The following IMPA2 variants were observed in gnomAD, a reference collection of about 807,000 sequenced individuals.
The protein encoded by IMPA2 is IMP 2.
IMPA2 carries 32 observed loss-of-function variants against 35.1 expected under a neutral mutation model. The observed-to-expected ratio is 0.91, with a 90% confidence interval of 0.69 to 1.23. The LOEUF is 1.23. IMPA2 is among the 50% of genes most tolerant of loss of function. IMPA2 has a pLI of 0.00. For synonymous variants in IMPA2, 135 were observed against 160.6 expected, an observed-to-expected ratio of 0.84 and a Z score of 1.20; for missense variants, 334 against 387.6, an observed-to-expected ratio of 0.86 and a Z score of 1.16.
At chr18:11,993,391 A>T (rs137923875) in intron 1 of IMPA2, among the ~76,000 whole-genome samples, 28 of 152,350 alleles carry the variant, frequency 1.8e-4, no homozygotes, top group African/African-American at 6.0e-4. Context: ...AGGTTAGCTT[A>T]GTGTCATTGT....
In IMPA2 at chr18:12,030,629, T is replaced by C; in HGVS notation, c.*171T>C. ...GGCTGGCCTTTTAAATCGACGTCTC[T>C]CTCACCAGGATTTGGTGTTTAGCTG... On this transcript the variant is annotated 3_prime_UTR_variant, in exon 8 of 8. Coordinates refer to ENST00000269159, the MANE Select transcript of IMPA2 (RefSeq NM_014214.3). 1 of 595,088 alleles carries C rather than the reference T, an allele frequency of 1.7e-6. No individual in the cohort carries two copies. Among genetic ancestry groups the C allele is most frequent in the South Asian group, 2.0e-5 (1 of 49,852 alleles). 36.9% of individuals were successfully genotyped at this position (595,088 alleles called of 1,614,324 possible).
intron 1 of IMPA2, among the ~76,000 whole-genome samples, chr18:11,983,421 C>A (rs1407906184): frequency 6.6e-6 from 1 of 152,144 alleles, no homozygotes; most frequent in East Asian, 1.9e-4. Flanking sequence ...TCAGACATTG[C>A]TGTGTAAACC....
intron 2 of IMPA2, among the ~76,000 whole-genome samples, chr18:12,000,261 C>T (rs1400508774): frequency 2.0e-5 from 3 of 151,420 alleles, no homozygotes; most frequent in Admixed American, 6.6e-5. Flanking sequence ...CAGCCTTGAA[C>T]TCCTGGGTTC....
At chr18:12,000,910 C>T (rs575312645) in intron 2 of IMPA2, among the ~76,000 whole-genome samples, 6 of 150,784 alleles carry the variant, frequency 4.0e-5, no homozygotes, top group South Asian at 2.1e-4. Flanking sequence ...CCACTACGCC[C>T]GGCCCCAGTG....
chr18:12,012,222 G>A lies in IMPA2; in HGVS notation c.381+7G>A. Reference sequence around the variant, plus strand: ...ATTTGCTGTTCGACAAGAGGTGCGGGTGTGGCCCAGGTCCCCAGGGCCCCT... The same window carrying A: ...ATTTGCTGTTCGACAAGAGGTGCGGATGTGGCCCAGGTCCCCAGGGCCCCT... On this transcript the variant is annotated splice_region_variant and intron_variant, in intron 4 of 7. Transcript: ENST00000269159. The A allele has an allele frequency of 4.3e-6, 7 of 1,613,814 alleles. No individual in the cohort carries two copies. The highest frequency in any genetic ancestry group is 5.9e-6 in the Non-Finnish European group (7 of 1,179,676).
intron 2 of IMPA2, among the ~76,000 whole-genome samples, chr18:12,001,352 C>T (rs1012006506): frequency 3.9e-5 from 6 of 152,148 alleles, no homozygotes; most frequent in African/African-American, 1.4e-4. Flanking sequence ...CTTTATTAAC[C>T]ATATTGGCCT....
At chr18:12,028,185 C>A in intron 6 of IMPA2, 34 bp downstream of exon 6, 1 of 1,380,996 alleles carries the variant, frequency 7.2e-7, no homozygotes, top group Non-Finnish European at 1.0e-6. Context: ...ACCCTGCAGC[C>A]CGAGGAGGAA....
intron 1 of IMPA2, among the ~76,000 whole-genome samples, chr18:11,984,106 AGAGAT>A (rs1906586568): frequency 6.6e-6 from 1 of 152,172 alleles, no homozygotes; most frequent in Non-Finnish European, 1.5e-5. Flanking sequence ...AGACCTTCCA[AGAGAT>A]AAAGGTGCAC....
rs773286236 is a variant in IMPA2, at chr18:12,014,338, G to C, written c.455G>C (p.Cys152Ser). 3 of 1,606,860 alleles carry C rather than the reference G, an allele frequency of 1.9e-6. No individual in the cohort carries two copies. Among genetic ancestry groups the C allele is most frequent in the Non-Finnish European group, 2.5e-6 (3 of 1,176,510 alleles). The change falls in exon 5 of 8, where the codon TGC (cysteine) becomes TCC (serine). Residue 152 changes from cysteine to serine, a missense_variant. Physicochemically the swap from Cys to Ser is moderately radical, Grantham distance 112. Coordinates refer to ENST00000269159, the MANE Select transcript of IMPA2 (RefSeq NM_014214.3). ...GGCCGGCGGGGTCGGGGCGCCTTCT[G>C]CAATGGCCAGCGGCTCCGGGTCTCC... Reference protein sequence around the residue: ...YTGRRGRGAFCNGQRLRVSGE... With the variant: ...YTGRRGRGAFSNGQRLRVSGE...
At chr18:11,984,257 T>G (rs947562173) in intron 1 of IMPA2, among the ~76,000 whole-genome samples, 2 of 152,226 alleles carry the variant, frequency 1.3e-5, no homozygotes, top group Non-Finnish European at 2.9e-5. Flanking sequence ...CATGCTTCTG[T>G]GCCACTCTTC....
At chr18:12,004,983 A>G (rs1202836170) in intron 2 of IMPA2, among the ~76,000 whole-genome samples, 3 of 152,232 alleles carry the variant, frequency 2.0e-5, no homozygotes, top group African/African-American at 4.8e-5. Flanking sequence ...TTAGCTTCCT[A>G]CATGAGTAAA....
In IMPA2 at chr18:12,028,966, G is replaced by A. The variant is rs374089801; in HGVS notation, c.724G>A (p.Ala242Thr). The change falls in exon 7 of 8, where the codon GCA becomes ACA. Residue 242 changes from alanine (A) to threonine (T), a missense_variant. Ala to Thr is a moderately conservative substitution (Grantham distance 58). Transcript: ENST00000269159. ...GGCTGCCACAGTCATCATCAGAGAA[G>A]CAGGCGGCATCGTGATAGACACTTC... ...LAAATVIIRE[A>T]GGIVIDTSGG... The A allele has an allele frequency of 8.7e-6, 14 of 1,613,800 alleles. No homozygotes were observed. Among genetic ancestry groups the A allele is most frequent in the Non-Finnish European group, 1.2e-5 (14 of 1,180,040 alleles).
At chr18:12,001,576 A>G (rs1907117398) in intron 2 of IMPA2, among the ~76,000 whole-genome samples, 1 of 152,194 alleles carries the variant, frequency 6.6e-6, no homozygotes, top group South Asian at 2.1e-4. Flanking sequence ...TTCCATTTGT[A>G]AAAGGTAAAT....
intron 5 of IMPA2, among the ~76,000 whole-genome samples, chr18:12,025,344 A>C (rs1297929242): frequency 1.3e-5 from 2 of 152,184 alleles, no homozygotes; most frequent in Middle Eastern, 3.2e-3. Flanking sequence ...CTGGTGTGAA[A>C]GTTTTATGTG....
chr18:12,017,974 T>A (rs1907628055), intron 5 of IMPA2: 1 of 161,860 alleles, frequency 6.2e-6, no homozygotes. Context: ...GGAGTTTCAC[T>A]CTTGTTGCCC....
intron 1 of IMPA2, among the ~76,000 whole-genome samples, chr18:11,998,785 A>G (rs1395189708): frequency 6.6e-6 from 1 of 152,136 alleles, no homozygotes; most frequent in East Asian, 1.9e-4. Flanking sequence ...CAAGTAATGG[A>G]GAAATAATTT....
At position 12,010,046 on chromosome 18, in the gene IMPA2, T is replaced by A. The variant is rs947807380; in HGVS notation, c.335+59T>A. The A allele has an allele frequency of 7.4e-7, 1 of 1,358,024 alleles. No individual in the cohort carries two copies. Among genetic ancestry groups the A allele is most frequent in the African/African-American group, 1.4e-5 (1 of 70,022 alleles). The allele number at this position is 1,358,024 out of a possible 1,614,324, so 84.1% of individuals were successfully genotyped here. A position where few individuals can be genotyped will look rare whatever the true frequency, so the allele number is the denominator to read the frequency against. On this transcript the variant is annotated intron_variant, in intron 3 of 7. Transcript: ENST00000269159. The surrounding 1 kb of genome is among the most constrained non-coding windows in gnomAD (Gnocchi z 4.8). ...CTTAACATGTCCTCTTCTGTGAGGT[T>A]TTGTCTTTTCAAAAGCAGCATTTTT...
At chr18:12,008,815 G>A (rs1046287923) in intron 2 of IMPA2, among the ~76,000 whole-genome samples, 7 of 152,160 alleles carry the variant, frequency 4.6e-5, no homozygotes, top group Non-Finnish European at 7.4e-5. Context: ...ACATTGTCTC[G>A]GTCAGGTTCC....
chr18:12,009,749 C>T (rs768449909), intron 2 of IMPA2, 134 bp from the exon 3 acceptor site: 127 of 706,660 alleles, frequency 1.8e-4, no homozygotes, highest in Non-Finnish European at 2.6e-4. Context: ...GACTCTGCCT[C>T]TGTTTGACCC....
Sources: allele counts gnomAD v4.1 joint callset (sites outside exome capture counted in the v4.1 genomes callset), GRCh38; gene constraint gnomAD v4.1.1; non-coding constraint Gnocchi (gnomAD v3.1); transcripts MANE v1.5; gene names NCBI Gene and HGNC (gene_info 2026-07-23, HGNC 2026-07-21).